ITPR2: variants seen among roughly 807,000 people sequenced by gnomAD.
ITPR2 encodes inositol 1,4,5-trisphosphate-gated calcium channel ITPR2.
ITPR2 carries 207 observed loss-of-function variants against 317.1 expected under a neutral mutation model. The ratio of observed to expected loss-of-function variants is 0.65; its 90% CI spans 0.58 to 0.73. The LOEUF is 0.73. Ranked by LOEUF, ITPR2 falls within the 30% of genes least tolerant of loss-of-function variation. ITPR2 has a pLI of 0.00. For missense variants in ITPR2, 2,613 were observed against 3,284.0 expected (o/e 0.80, Z 4.99); for synonymous variants, 1,156 against 1,149.1 (o/e 1.01, Z -0.12).
intron 22 of ITPR2, among the ~76,000 whole-genome samples, chr12:26,630,975 C>T (rs1467928509): frequency 2.0e-5 from 3 of 152,186 alleles, no homozygotes; most frequent in Non-Finnish European, 2.9e-5. Context: ...CCTAGAGGAA[C>T]TGTGAAACCT....
intron 54 of ITPR2, among the ~76,000 whole-genome samples, chr12:26,396,869 C>T (rs1040020000): frequency 2.0e-5 from 3 of 152,186 alleles, no homozygotes; most frequent in Non-Finnish European, 2.9e-5. Flanking sequence ...TCCACTTGGG[C>T]ATCCCAGCTA....
intron 55 of ITPR2, among the ~76,000 whole-genome samples, chr12:26,369,327 G>A (rs543471647): frequency 1.3e-5 from 2 of 152,238 alleles, no homozygotes; most frequent in South Asian, 4.2e-4. Context: ...TCAGTAGAGG[G>A]GCAAGTATGG....
chr12:26,422,262 C>T (rs1379671807), intron 49 of ITPR2, among the ~76,000 whole-genome samples: 1 of 148,730 alleles, frequency 6.7e-6, no homozygotes, highest in African/African-American at 2.5e-5. Context: ...ATTATTTAAC[C>T]AATAATTATT....
At chr12:26,542,066 T>C (rs1277790331) in intron 37 of ITPR2, among the ~76,000 whole-genome samples, 2 of 152,236 alleles carry the variant, frequency 1.3e-5, no homozygotes, top group African/African-American at 2.4e-5. Context: ...CTCAATTAGA[T>C]GCTATGCTAT....
chr12:26,726,858 A>G (rs1393323736), intron 2 of ITPR2, among the ~76,000 whole-genome samples: 1 of 152,168 alleles, frequency 6.6e-6, no homozygotes, highest in South Asian at 2.1e-4. Flanking sequence ...TAAAATTTGT[A>G]AGGAATGTAG....
At chr12:26,438,311 C>G (rs934312960) in intron 47 of ITPR2, among the ~76,000 whole-genome samples, 3 of 152,060 alleles carry the variant, frequency 2.0e-5, no homozygotes, top group African/African-American at 7.2e-5. Context: ...AAGCACCACT[C>G]AAATTCATAA....
intron 52 of ITPR2, among the ~76,000 whole-genome samples, chr12:26,409,944 T>A (rs1940487445): frequency 6.6e-6 from 1 of 152,122 alleles, no homozygotes; most frequent in African/African-American, 2.4e-5. Context: ...AACTCCTAAT[T>A]ATATGAGAAC....
At chr12:26,493,250 A>T (rs1000352457) in intron 39 of ITPR2, among the ~76,000 whole-genome samples, 3 of 152,098 alleles carry the variant, frequency 2.0e-5, no homozygotes, top group Admixed American at 6.5e-5. Flanking sequence ...CTGTGATTGG[A>T]TGTGTTAGAT....
At chr12:26,360,786 T>C (rs1040432896) in intron 55 of ITPR2, among the ~76,000 whole-genome samples, 3 of 152,196 alleles carry the variant, frequency 2.0e-5, no homozygotes, top group Non-Finnish European at 4.4e-5. Context: ...TTCCTTTCTA[T>C]CACTAAGATG....
intron 45 of ITPR2, among the ~76,000 whole-genome samples, chr12:26,468,790 ATT>A (rs1376521899): frequency 1.3e-5 from 2 of 152,200 alleles, no homozygotes; most frequent in Non-Finnish European, 2.9e-5. Flanking sequence ...TTTGTGCAAC[ATT>A]TGTTAAGTGC....
intron 55 of ITPR2, among the ~76,000 whole-genome samples, chr12:26,341,349 C>A (rs1342909804): frequency 1.3e-5 from 2 of 152,176 alleles, no homozygotes; most frequent in Non-Finnish European, 2.9e-5. Context: ...TCTTTCCATT[C>A]CAGAGAAGTC....
intron 47 of ITPR2, among the ~76,000 whole-genome samples, chr12:26,437,606 C>T (rs2136723746): frequency 6.6e-6 from 1 of 152,248 alleles, no homozygotes; most frequent in Middle Eastern, 3.4e-3. Context: ...ATGAATTAGA[C>T]TCTGCCTATA....
intron 2 of ITPR2, among the ~76,000 whole-genome samples, chr12:26,735,131 G>C (rs995246352): frequency 1.3e-5 from 2 of 151,160 alleles, no homozygotes; most frequent in Non-Finnish European, 2.9e-5. Flanking sequence ...CTCCTGAGAA[G>C]CTGGGATTAC....
At chr12:26,790,284 G>A in intron 1 of ITPR2, 57 bp from the exon 2 acceptor site, 1 of 1,277,904 alleles carries the variant, frequency 7.8e-7, no homozygotes, top group South Asian at 1.2e-5. Flanking sequence ...ATAAACCACA[G>A]ACTGCACATG....
chr12:26,833,047 C>T lies in ITPR2; in HGVS notation c.-266G>A, dbSNP rs1951145129. The T allele has an allele frequency of 2.2e-6, 1 of 452,822 alleles. No individual in the cohort carries two copies. The highest frequency in any genetic ancestry group is 2.1e-5 in the African/African-American group (1 of 47,356). 28.1% of individuals were successfully genotyped at this position (452,822 alleles called of 1,614,324 possible). ...CCAGAGAAGCCGCAGCCGCCGCCGC[C>T]TCCCCGGCAGGTTTCCTGTTCCTTT... On this transcript the variant is annotated 5_prime_UTR_variant, in exon 1 of 57. Transcript: ENST00000381340.
intron 55 of ITPR2, among the ~76,000 whole-genome samples, chr12:26,352,342 A>T (rs1938508555): frequency 6.6e-6 from 1 of 152,188 alleles, no homozygotes; most frequent in African/African-American, 2.4e-5. Flanking sequence ...AGCTTCCAGC[A>T]CTCAACAATG....
intron 47 of ITPR2, among the ~76,000 whole-genome samples, chr12:26,438,850 A>G (rs1941421835): frequency 6.6e-6 from 1 of 152,222 alleles, no homozygotes; most frequent in Admixed American, 6.5e-5. Context: ...TTTGAAATGT[A>G]CAGCTTCAAC....
Position 26,362,171 on chromosome 12 carries a change from G to A in ITPR2, c.7858-21843C>T, listed in dbSNP as rs1306935709. On this transcript the variant is annotated intron_variant, in intron 55 of 56. Coordinates refer to ENST00000381340, the MANE Select transcript of ITPR2 (RefSeq NM_002223.4). The stretch of plus-strand genomic sequence containing the variant: ...GGTCAAAGTGCTAAAGCTCCGTTAA[G>A]CAGGATGGAATCACTTGCAGATTGA... 2.4e-4 allele frequency among the ~76,000 whole-genome samples: 36 copies of A among 152,184 alleles called. 1 individual carries two copies. The highest frequency in any genetic ancestry group is 2.4e-3 in the Admixed American group (36 of 15,280).
chr12:26,664,968 G>A (rs1021788883), intron 14 of ITPR2, among the ~76,000 whole-genome samples: 1 of 152,022 alleles, frequency 6.6e-6, no homozygotes, highest in African/African-American at 2.4e-5. Flanking sequence ...TGATTTTTAT[G>A]TTTTAAGTAT....
Sources: gnomAD v4.1 joint callset for allele counts (sites outside exome capture counted in the v4.1 genomes callset) on GRCh38, gnomAD v4.1.1 for gene constraint, MANE v1.5 for transcripts, NCBI Gene and HGNC (gene_info 2026-07-23, HGNC 2026-07-21) for gene names.